The following PDCD2L variants were observed in gnomAD, a reference collection of about 807,000 sequenced individuals.
PDCD2L encodes the protein uS5 assembly chaperone PDCD2L.
PDCD2L carries 44 observed loss-of-function variants against 40.4 expected under a neutral mutation model. That is an observed-to-expected ratio of 1.09 (90% CI 0.86 to 1.40). The LOEUF is 1.40. Among genes scored for constraint, PDCD2L ranks in the 40% most tolerant of loss-of-function variants. The pLI is 0.00. For synonymous variants in PDCD2L, 194 were observed against 174.6 expected (o/e 1.11, Z -0.88); for missense variants, 470 against 453.7 (o/e 1.04, Z -0.33).
At chr19:34,408,726 G>A (rs1231610494) in intron 3 of PDCD2L, among the ~76,000 whole-genome samples, 1 of 152,160 alleles carries the variant, frequency 6.6e-6, no homozygotes, top group Non-Finnish European at 1.5e-5. Context: ...TCTACACAAT[G>A]GCTACCTTTT....
chr19:34,425,268 A>G (rs2075171763), intron 6 of PDCD2L, among the ~76,000 whole-genome samples: 1 of 147,864 alleles, frequency 6.8e-6, no homozygotes, highest in Non-Finnish European at 1.5e-5. Flanking sequence ...CTTTCTCGGC[A>G]GTAGTGTGTC....
chr19:34,408,514 A>T (rs927196366), intron 3 of PDCD2L, among the ~76,000 whole-genome samples: 1 of 152,106 alleles, frequency 6.6e-6, no homozygotes, highest in African/African-American at 2.4e-5. Context: ...AGACAGACTT[A>T]ACACAGGAGT....
rs1315445145 is a variant in PDCD2L at position 34,404,485 on chromosome 19, G to A, written c.55G>A (p.Gly19Ser). The A allele has an allele frequency of 6.5e-7, 1 of 1,543,862 alleles. No individual in the cohort carries two copies. Among genetic ancestry groups the A allele is most frequent in the Non-Finnish European group, 8.7e-7 (1 of 1,146,712 alleles). ...LLGLRDAPVH[G>S]SPTGPGAWTA... ...GGGCCTTCGAGATGCGCCGGTGCAC[G>A]GCAGCCCCACAGGGCCGGGTGCCTG... Residue 19 changes from glycine (G) to serine (S), a missense_variant, in exon 1 of 7, where the codon GGC (glycine) becomes AGC (serine). Transcript: ENST00000246535.
chr19:34,415,923 G>T (rs1283495524), intron 5 of PDCD2L, among the ~76,000 whole-genome samples: 3 of 152,050 alleles, frequency 2.0e-5, no homozygotes, highest in East Asian at 3.9e-4. Flanking sequence ...AGTCCACAAA[G>T]AATTTTCTTT....
chr19:34,404,758 G>A lies in PDCD2L; in HGVS notation c.218G>A (p.Arg73His). Residue 73 changes from arginine (R) to histidine (H), a missense_variant, in exon 2 of 7, where the codon CGT becomes CAT. Arg to His is a conservative substitution (Grantham distance 29). Coordinates refer to ENST00000246535, the MANE Select transcript of PDCD2L (RefSeq NM_032346.2). The stretch of plus-strand genomic sequence containing the variant: ...CCGCTGGAAGGCTCCCCGTTTCACC[G>A]TCTGCTGCACGTGTTCGCGTGCGCC... ...YCPLEGSPFHRLLHVFACACP... is the reference protein window; with the variant it reads ...YCPLEGSPFHHLLHVFACACP... 1 of 1,610,988 alleles carries A rather than the reference G, an allele frequency of 6.2e-7. No individual in the cohort carries two copies. The highest frequency in any genetic ancestry group is 8.5e-7 in the Non-Finnish European group (1 of 1,179,482).
intron 5 of PDCD2L, among the ~76,000 whole-genome samples, chr19:34,420,790 T>TAA (rs36111473): frequency 1.4e-5 from 2 of 142,894 alleles, no homozygotes; most frequent in Admixed American, 6.9e-5. Flanking sequence ...AGGCTTTATC[T>TAA]AAAAAAAAAA....
At chr19:34,413,046 AT>A (rs899394444) in intron 4 of PDCD2L, among the ~76,000 whole-genome samples, 4 of 142,624 alleles carry the variant, frequency 2.8e-5, no homozygotes, top group African/African-American at 5.3e-5. Flanking sequence ...GGCCTGAGAA[AT>A]TTTTTTTTGA....
intron 5 of PDCD2L, among the ~76,000 whole-genome samples, chr19:34,420,805 A>C (rs11669635): frequency 0.84 from 125,014 of 149,324 alleles, 52,821 homozygotes; most frequent in Non-Finnish European, 0.9. Flanking sequence ...AAAAAAAAAA[A>C]AAACCCAAAA....
intron 2 of PDCD2L, 45 bp downstream of exon 2, chr19:34,404,860 G>A (rs1205430515): frequency 6.2e-7 from 1 of 1,607,090 alleles, no homozygotes; most frequent in African/African-American, 1.3e-5. Flanking sequence ...GTCCTTTCCA[G>A]CGGGCTGGGG....
chr19:34,410,903 G>C (rs952735374), intron 4 of PDCD2L, among the ~76,000 whole-genome samples: 12 of 150,900 alleles, frequency 8.0e-5, no homozygotes. Context: ...TCTTGCCTCA[G>C]CCTCCCAAGT....
At position 34,426,024 on chromosome 19, in the gene PDCD2L, C is replaced by T; in HGVS notation, c.981C>T (p.Tyr327=). 6.2e-7 allele frequency: 1 copy of T among 1,613,372 alleles called. No homozygotes were observed. Among genetic ancestry groups the T allele is most frequent in the Non-Finnish European group, 8.5e-7 (1 of 1,179,472 alleles). ...LSVEFGTILV[Y]TCEKSCWPPN... Reference sequence around the variant, plus strand: ...TGGAATTTGGAACAATTCTAGTTTACACATGTGAGAAGAGTTGCTGGCCCC... The same window carrying T: ...TGGAATTTGGAACAATTCTAGTTTATACATGTGAGAAGAGTTGCTGGCCCC... Residue 327 remains tyrosine (Y), a synonymous_variant, in exon 7 of 7, where the codon TAC becomes TAT. Transcript: ENST00000246535.
At chr19:34,420,790 TAAAAA>T (rs36111473) in intron 5 of PDCD2L, among the ~76,000 whole-genome samples, 2 of 142,882 alleles carry the variant, frequency 1.4e-5, no homozygotes, top group South Asian at 2.2e-4. Flanking sequence ...AGGCTTTATC[TAAAAA>T]AAAAAAAAAA....
intron 5 of PDCD2L, among the ~76,000 whole-genome samples, chr19:34,415,353 A>G (rs1330693098): frequency 1.3e-5 from 2 of 152,064 alleles, no homozygotes; most frequent in African/African-American, 4.8e-5. Flanking sequence ...ACTTCAAATG[A>G]TCTGCCCGCT....
intron 5 of PDCD2L, among the ~76,000 whole-genome samples, chr19:34,419,038 C>T (rs1180783236): frequency 6.6e-6 from 1 of 152,180 alleles, no homozygotes; most frequent in African/African-American, 2.4e-5. Flanking sequence ...AGCACTCAAA[C>T]AGATTCTGAC....
intron 6 of PDCD2L, among the ~76,000 whole-genome samples, chr19:34,423,100 T>C (rs143199180): frequency 1.3e-5 from 2 of 152,330 alleles, no homozygotes; most frequent in Admixed American, 6.5e-5. Flanking sequence ...ATAACATTCT[T>C]TCTGTGTTTC....
chr19:34,412,679 T>C (rs1029861507), intron 4 of PDCD2L, among the ~76,000 whole-genome samples: 11 of 150,686 alleles, frequency 7.3e-5, no homozygotes, highest in African/African-American at 2.4e-4. Flanking sequence ...GATTGCACCA[T>C]TGCACTCCAG....
intron 6 of PDCD2L, among the ~76,000 whole-genome samples, chr19:34,424,432 A>G (rs964726638): frequency 2.0e-5 from 3 of 152,148 alleles, no homozygotes; most frequent in Non-Finnish European, 4.4e-5. Flanking sequence ...AAAACTTACT[A>G]AAAAGTTTTA....
At position 34,404,489 on chromosome 19, in the gene PDCD2L, G is replaced by A; in HGVS notation, c.59G>A (p.Ser20Asn). ...LGLRDAPVHG[S>N]PTGPGAWTAS... ...CTTCGAGATGCGCCGGTGCACGGCAGCCCCACAGGGCCGGGTGCCTGGACT... is the reference window on the plus strand; with the variant it reads ...CTTCGAGATGCGCCGGTGCACGGCAACCCCACAGGGCCGGGTGCCTGGACT... The change falls in exon 1 of 7, where the codon AGC becomes AAC. Residue 20 changes from serine to asparagine, a missense_variant. Transcript: ENST00000246535. 6.5e-7 allele frequency: 1 copy of A among 1,543,176 alleles called. No homozygotes were observed. The highest frequency in any genetic ancestry group is 8.7e-7 in the Non-Finnish European group (1 of 1,146,760).
chr19:34,421,109 C>G (rs1276085403), intron 5 of PDCD2L, among the ~76,000 whole-genome samples: 1 of 152,216 alleles, frequency 6.6e-6, no homozygotes, highest in African/African-American at 2.4e-5. Flanking sequence ...CTGTTGCTCA[C>G]CTCCTGCTGC....
Sources: allele counts gnomAD v4.1 joint callset (sites outside exome capture counted in the v4.1 genomes callset), GRCh38; gene constraint gnomAD v4.1.1; transcripts MANE v1.5; gene names NCBI Gene and HGNC (gene_info 2026-07-23, HGNC 2026-07-21).